Variants in TAF1 observed in about 807,000 individuals in gnomAD.
TAF1 encodes the protein TATA-box binding protein associated factor 1.
A neutral mutation model predicts 138.5 loss-of-function variants in TAF1; 2 were observed. That is an observed-to-expected ratio of 0.01 (90% CI 0.01 to 0.05). TAF1 has a LOEUF of 0.05. Ranked by LOEUF, TAF1 falls within the 10% of genes least tolerant of loss-of-function variation. TAF1 has a pLI of 1.00. For synonymous variants in TAF1, 437 were observed against 503.2 expected, an observed-to-expected ratio of 0.87 and a Z score of 1.76; for missense variants, 709 against 1,478.0, an observed-to-expected ratio of 0.48 and a Z score of 8.53.
intron 13 of TAF1, among the ~76,000 whole-genome samples, chrX:71,477,572 T>G (rs770488194): frequency 8.9e-6 from 1 of 112,185 alleles, no homozygotes; most frequent in Non-Finnish European, 1.9e-5. Context: ...GCTGGGATCA[T>G]AGGTGTGAGT....
downstream of TAF1, among the ~76,000 whole-genome samples, chrX:71,470,538 G>A (rs2038864173): frequency 9.2e-6 from 1 of 108,535 alleles, no homozygotes; most frequent in African/African-American, 3.3e-5. Flanking sequence ...ACCAAGCCCG[G>A]CCCAATTTTT....
chrX:71,394,368 G>A (rs1306721800), intron 22 of TAF1, 123 bp downstream of exon 22: 39 of 893,033 alleles, frequency 4.4e-5, no homozygotes, highest in Non-Finnish European at 5.7e-5. Flanking sequence ...ATGTAGAAAA[G>A]TCTGTGAATG....
chrX:71,393,696 G>A (rs1156450060), intron 21 of TAF1, among the ~76,000 whole-genome samples: 1 of 111,753 alleles, frequency 8.9e-6, no homozygotes, highest in Non-Finnish European at 1.9e-5. Context: ...CGCTAGTCTT[G>A]TGTTCTAGGT....
intron 13 of TAF1, among the ~76,000 whole-genome samples, chrX:71,477,206 T>A (rs1374506079): frequency 9.0e-6 from 1 of 111,563 alleles, no homozygotes; most frequent in Non-Finnish European, 1.9e-5. Flanking sequence ...CCCAAAGTGC[T>A]GGGATTACAG....
At chrX:71,377,980 C>A in intron 6 of TAF1, 159 bp downstream of exon 6, 1 of 736,720 alleles carries the variant, frequency 1.4e-6, no homozygotes, top group Non-Finnish European at 1.9e-6. Flanking sequence ...AGTGGCTGCC[C>A]CTTCCCTATT....
intron 28 of TAF1, among the ~76,000 whole-genome samples, chrX:71,420,674 G>A (rs1217870328): frequency 6.2e-5 from 7 of 112,733 alleles, no homozygotes; most frequent in Non-Finnish European, 7.5e-5. Context: ...GCTGTCTTCC[G>A]GGTCACCCTC....
chrX:71,461,283 T>C (rs2038540881), intron 37 of TAF1, among the ~76,000 whole-genome samples: 4 of 111,507 alleles, frequency 3.6e-5, no homozygotes, highest in Admixed American at 2.9e-4. Flanking sequence ...ATGGAAGTTG[T>C]TGGGGAGTTG....
At chrX:71,454,620 A>T (rs1415294963) in intron 33 of TAF1, 121 bp from the exon 34 acceptor site, 1 of 581,171 alleles carries the variant, frequency 1.7e-6, no homozygotes, top group East Asian at 3.6e-5. Context: ...TTTGATTATT[A>T]TCTGTGTCCT....
intron 34 of TAF1, chrX:71,455,073 T>G: frequency 8.8e-7 from 1 of 1,141,420 alleles, no homozygotes; most frequent in Non-Finnish European, 1.2e-6. Context: ...GTGGGATGAA[T>G]GAATGGGGTG....
chrX:71,473,874 G>A (rs935945596), intron 13 of TAF1, among the ~76,000 whole-genome samples: 14 of 111,023 alleles, frequency 1.3e-4, no homozygotes, highest in African/African-American at 3.3e-4. Context: ...GGCTGGGCGC[G>A]GTGGCTCATG....
chrX:71,383,798 C>T (rs979091518), intron 12 of TAF1, among the ~76,000 whole-genome samples, 164 bp from the exon 13 acceptor site: 4 of 111,777 alleles, frequency 3.6e-5, no homozygotes, highest in African/African-American at 1.3e-4. Context: ...TATGGAGGGC[C>T]GACTGTACTA....
At chrX:71,382,280 C>T (rs1323207281) in intron 9 of TAF1, among the ~76,000 whole-genome samples, 1 of 110,540 alleles carries the variant, frequency 9.0e-6, no homozygotes, top group African/African-American at 3.3e-5. Flanking sequence ...GAAAGTAGTA[C>T]CTTTGAGATG....
chrX:71,459,470 A>AG (rs972950277), intron 35 of TAF1, 82 bp from the exon 36 acceptor site: 61 of 549,348 alleles, frequency 1.1e-4, no homozygotes, highest in African/African-American at 2.7e-4. Flanking sequence ...CGGGGCGGGG[A>AG]GGGGGGGTGT....
intron 13 of TAF1, among the ~76,000 whole-genome samples, chrX:71,512,938 G>C (rs1000387765): frequency 2.7e-5 from 3 of 112,653 alleles, no homozygotes; most frequent in African/African-American, 9.7e-5. Context: ...CAAATGCTTA[G>C]AGAGGTCCAG....
At chrX:71,377,899 T>A in intron 6 of TAF1, 78 bp downstream of exon 6, 1 of 994,018 alleles carries the variant, frequency 1.0e-6, no homozygotes, top group Non-Finnish European at 1.3e-6. Flanking sequence ...AATTTATGTC[T>A]AAATTGTAAA....
At chrX:71,423,375 A>G in intron 30 of TAF1, 136 bp downstream of exon 30, 1 of 971,948 alleles carries the variant, frequency 1.0e-6, no homozygotes, top group Non-Finnish European at 1.4e-6. Context: ...GATTTTAAAT[A>G]TTGACCTTTT....
intron 6 of TAF1, 105 bp from the exon 7 acceptor site, chrX:71,378,130 A>G: frequency 2.5e-6 from 2 of 809,587 alleles, no homozygotes; most frequent in Non-Finnish European, 3.5e-6. Context: ...CAGGTAAATC[A>G]TCCTCAGTTT....
chrX:71,421,164 GTC>G (rs955909051), intron 28 of TAF1, 143 bp from the exon 29 acceptor site: 14 of 483,136 alleles, frequency 2.9e-5, no homozygotes, highest in Non-Finnish European at 5.0e-5. Context: ...ATGGACATAA[GTC>G]TGGTGTATCT....
intron 13 of TAF1, among the ~76,000 whole-genome samples, chrX:71,502,018 G>A (rs771490596): frequency 3.6e-4 from 40 of 111,036 alleles, no homozygotes; most frequent in Non-Finnish European, 5.8e-4. Context: ...AAGGTAGCAC[G>A]GACCCAAAGA....
Sources: gnomAD v4.1 joint callset for allele counts (sites outside exome capture counted in the v4.1 genomes callset) on GRCh38, gnomAD v4.1.1 for gene constraint, MANE v1.5 for transcripts, NCBI Gene and HGNC (gene_info 2026-07-23, HGNC 2026-07-21) for gene names.